Variants in DDX23 observed in about 807,000 individuals in gnomAD.
DDX23 encodes DEAD-box helicase 23.
DDX23 carries 33 observed loss-of-function variants against 102.7 expected under a neutral mutation model. The observed-to-expected ratio is 0.32, with a 90% confidence interval of 0.24 to 0.43. The LOEUF (loss-of-function observed/expected upper bound fraction) is 0.43, where lower values mean the gene tolerates loss of function less well. Ranked by LOEUF, DDX23 falls within the 20% of genes least tolerant of loss-of-function variation. The pLI is 1.00. For synonymous variants in DDX23, 352 were observed against 376.0 expected, an observed-to-expected ratio of 0.94 and a Z score of 0.74; for missense variants, 549 against 1,086.6, an observed-to-expected ratio of 0.51 and a Z score of 6.96.
chr12:48,840,004 C>T lies in DDX23; in HGVS notation c.414+9G>A. Reference sequence around the variant, plus strand: ...GTTGAAGATGAAAAATATCCTTCCTCTCCTTTACCTTAGGCTTCTTATCAC... The same window carrying T: ...GTTGAAGATGAAAAATATCCTTCCTTTCCTTTACCTTAGGCTTCTTATCAC... On this transcript the variant is annotated intron_variant, in intron 4 of 16. Transcript: ENST00000308025. 2 of 1,613,488 alleles carry T rather than the reference C, an allele frequency of 1.2e-6. No homozygotes were observed. Among genetic ancestry groups the T allele is most frequent in the Non-Finnish European group, 1.7e-6 (2 of 1,179,364 alleles).
intron 1 of DDX23, among the ~76,000 whole-genome samples, chr12:48,847,879 C>T (rs994137468): frequency 6.6e-6 from 1 of 152,222 alleles, no homozygotes; most frequent in African/African-American, 2.4e-5. Context: ...CAAAGGAAGG[C>T]TATTTTCTCT....
chr12:48,830,260 G>T lies in DDX23; in HGVS notation c.*209C>A. Reference sequence around the variant, plus strand: ...CTGGGCCAAGAAGCTGTGGTAATTTGCTCTCCCTGCCTCCGACAGCGTCGT... The same window carrying T: ...CTGGGCCAAGAAGCTGTGGTAATTTTCTCTCCCTGCCTCCGACAGCGTCGT... On this transcript the variant is annotated 3_prime_UTR_variant, in exon 17 of 17. Transcript: ENST00000308025. The surrounding 1 kb of genome is among the most constrained non-coding windows in gnomAD (Gnocchi z 4.9). The T allele has an allele frequency of 1.4e-6, 1 of 691,302 alleles. No individual in the cohort carries two copies. The highest frequency in any genetic ancestry group is 2.6e-6 in the Non-Finnish European group (1 of 382,506). 42.8% of individuals were successfully genotyped at this position (691,302 alleles called of 1,614,324 possible). A position where few individuals can be genotyped will look rare whatever the true frequency, so the allele number is the denominator to read the frequency against.
Position 48,830,396 on chromosome 12 carries a change from G to A in DDX23, c.*73C>T. The A allele has an allele frequency of 6.6e-7, 1 of 1,516,722 alleles. No homozygotes were observed. The highest frequency in any genetic ancestry group is 9.1e-7 in the Non-Finnish European group (1 of 1,095,048). The allele number at this position is 1,516,722 out of a possible 1,614,324, so 94.0% of individuals were successfully genotyped here. ...CCCAAGAGTGAGGACCTGGAAAGAG[G>A]GATGTGAGGGTTCTGAAAAACAGGC... On this transcript the variant is annotated 3_prime_UTR_variant, in exon 17 of 17. Transcript: ENST00000308025. The surrounding 1 kb of genome is among the most constrained non-coding windows in gnomAD (Gnocchi z 4.9).
intron 2 of DDX23, among the ~76,000 whole-genome samples, chr12:48,845,353 G>A (rs1454322140): frequency 1.3e-5 from 2 of 152,102 alleles, no homozygotes; most frequent in African/African-American, 4.8e-5. Flanking sequence ...CACTCAGGAG[G>A]CAGAGGCAGG....
chr12:48,835,962 CT>C (rs1308069411), intron 11 of DDX23, among the ~76,000 whole-genome samples, 158 bp downstream of exon 11: 29 of 152,214 alleles, frequency 1.9e-4, no homozygotes, highest in African/African-American at 2.4e-5. Context: ...GCAACATATA[CT>C]TCTTCGATAT....
chr12:48,830,553 G>A lies in DDX23; in HGVS notation c.2379C>T (p.Pro793=), dbSNP rs146973565. 3.9e-3 allele frequency: 6,295 copies of A among 1,613,804 alleles called. 14 individuals are homozygous for A. Among genetic ancestry groups the A allele is most frequent in the Middle Eastern group, 9.1e-3 (53 of 5,830 alleles). ...ILESPVSSCP[P]ELANHPDAQH... ...GGGCATCTGGGTGGTTGGCTAGTTC[G>A]GGGGGACAGGAAGACACTGGGCTTT... The change falls in exon 17 of 17, where the codon CCC becomes CCT. Residue 793 remains proline (P), a synonymous_variant. Coordinates refer to ENST00000308025, the MANE Select transcript of DDX23 (RefSeq NM_004818.3). The surrounding 1 kb of genome is among the most constrained non-coding windows in gnomAD (Gnocchi z 4.9).
Position 48,838,069 on chromosome 12 carries a change from G to A in DDX23, c.492C>T (p.Leu164=), listed in dbSNP as rs777894656. Residue 164 remains leucine, a synonymous_variant, in exon 6 of 17, where the codon CTC becomes CTT. Coordinates refer to ENST00000308025, the MANE Select transcript of DDX23 (RefSeq NM_004818.3). Reference sequence around the variant, plus strand: ...CTTCAGCCTCTCGTTCTGCTTTAGAGAGGAACTTGGGCTACAAAAGAGATT... The same window carrying A: ...CTTCAGCCTCTCGTTCTGCTTTAGAAAGGAACTTGGGCTACAAAAGAGATT... The part of the protein sequence containing the change: ...EEEAEAKPKF[L]SKAEREAEAL... 6.2e-7 allele frequency: 1 copy of A among 1,614,208 alleles called. No homozygotes were observed. Among genetic ancestry groups the A allele is most frequent in the Admixed American group, 1.7e-5 (1 of 60,030 alleles).
intron 5 of DDX23, among the ~76,000 whole-genome samples, chr12:48,839,218 T>G (rs1003180438): frequency 2.0e-5 from 3 of 151,790 alleles, no homozygotes; most frequent in Non-Finnish European, 4.4e-5. Flanking sequence ...ACCTCAGAAT[T>G]TGACTATATG....
chr12:48,831,360 GGA>G, intron 15 of DDX23, 44 bp from the exon 16 acceptor site: 2 of 1,599,474 alleles, frequency 1.3e-6, no homozygotes, highest in Non-Finnish European at 8.6e-7. Flanking sequence ...ATGCAATCAA[GGA>G]GAGACACAGG....
intron 3 of DDX23, among the ~76,000 whole-genome samples, chr12:48,842,252 C>A (rs1219917044): frequency 6.7e-6 from 1 of 149,458 alleles, no homozygotes; most frequent in Admixed American, 6.6e-5. Context: ...CCCGGCCAGC[C>A]GCCCATCCGG....
chr12:48,844,998 CA>C, intron 2 of DDX23, among the ~76,000 whole-genome samples: 1 of 151,578 alleles, frequency 6.6e-6, no homozygotes, highest in East Asian at 2.0e-4. Flanking sequence ...ACTAAAAGTA[CA>C]AAATTAGCCA....
At chr12:48,831,350 A>G in intron 15 of DDX23, 34 bp from the exon 16 acceptor site, 1 of 1,610,278 alleles carries the variant, frequency 6.2e-7, no homozygotes, top group Non-Finnish European at 8.5e-7. Flanking sequence ...AGAGTGAGCA[A>G]TGCAATCAAG....
At chr12:48,839,669 A>G in intron 5 of DDX23, 175 bp downstream of exon 5, 1 of 612,816 alleles carries the variant, frequency 1.6e-6, no homozygotes, top group Admixed American at 3.0e-5. Flanking sequence ...GGAAGAAGAC[A>G]GCCTTATAAG....
In DDX23 at chr12:48,834,181, A is replaced by G. The variant is rs192843215; in HGVS notation, c.1560+139T>C. On this transcript the variant is annotated intron_variant, in intron 12 of 16. Transcript: ENST00000308025. ...CTATTTGTGATATAAACCCTGGTGC[A>G]TAAGTTCTCAATAAATAGCACATAT... 1.0e-4 allele frequency: 74 copies of G among 707,984 alleles called. No homozygotes were observed. The East Asian group carries it at 1.8e-3, about 17-fold the overall frequency. The allele number at this position is 707,984 out of a possible 1,614,324, so 43.9% of individuals were successfully genotyped here.
Position 48,834,404 on chromosome 12 carries a change from C to T in DDX23, c.1476G>A (p.Gly492=), listed in dbSNP as rs1217946092. 1 of 1,614,042 alleles carries T rather than the reference C, an allele frequency of 6.2e-7. No individual in the cohort carries two copies. The highest frequency in any genetic ancestry group is 2.2e-5 in the East Asian group (1 of 44,892). The stretch of plus-strand genomic sequence containing the variant: ...CCACAGTGCGGATACCTAGCGGTTT[C>T]CCAAACTTGATGGTCTCTTCCTCAA... ...QQIEEETIKF[G]KPLGIRTVAV... is the part of the protein sequence containing the mutation. The change falls in exon 12 of 17, where the codon GGG becomes GGA. Residue 492 remains glycine (G), a synonymous_variant. Coordinates refer to ENST00000308025, the MANE Select transcript of DDX23 (RefSeq NM_004818.3).
chr12:48,835,147 A>G, intron 11 of DDX23: 1 of 241,518 alleles, frequency 4.1e-6, no homozygotes, highest in Non-Finnish European at 8.8e-6. Flanking sequence ...TGGGAGGCTG[A>G]GGTAGGAGGA....
intron 2 of DDX23, among the ~76,000 whole-genome samples, chr12:48,845,185 G>A (rs1938643685): frequency 6.7e-6 from 1 of 150,124 alleles, no homozygotes; most frequent in African/African-American, 2.5e-5. Flanking sequence ...CAGGCGCGGT[G>A]GCTCACGCCT....
In DDX23 at chr12:48,830,601, G is replaced by A. The variant is rs766787241; in HGVS notation, c.2331C>T (p.Tyr777=). 11 of 1,614,032 alleles carry A rather than the reference G, an allele frequency of 6.8e-6. No individual in the cohort carries two copies. Among genetic ancestry groups the A allele is most frequent in the South Asian group, 5.5e-5 (5 of 91,090 alleles). ...TTTCCAGGATAGCTTGCTTCAGCTC[G>A]TAGAACACAGCAGAGTCCTCTTTTG... ...FLTKEDSAVF[Y]ELKQAILESP... is the part of the protein sequence containing the mutation. Residue 777 remains tyrosine (Y), a synonymous_variant, in exon 17 of 17, where the codon TAC becomes TAT. Coordinates refer to ENST00000308025, the MANE Select transcript of DDX23 (RefSeq NM_004818.3). This position sits in a 1 kb window ranked among gnomAD's most constrained non-coding sequence, Gnocchi z 4.9.
At chr12:48,838,189 C>G in intron 5 of DDX23, 109 bp from the exon 6 acceptor site, 1 of 1,516,166 alleles carries the variant, frequency 6.6e-7, no homozygotes, top group Non-Finnish European at 8.9e-7. Context: ...GGCATTAAGC[C>G]TGTTGAGGAA....
Sources: allele counts gnomAD v4.1 joint callset (sites outside exome capture counted in the v4.1 genomes callset), GRCh38; gene constraint gnomAD v4.1.1; non-coding constraint Gnocchi (gnomAD v3.1); transcripts MANE v1.5; gene names NCBI Gene and HGNC (gene_info 2026-07-23, HGNC 2026-07-21).